PHYKPL: variants seen among roughly 807,000 people sequenced by gnomAD.
PHYKPL encodes 5-phosphonooxy-L-lysine phospho-lyase.
Under a neutral mutation model 51.3 loss-of-function variants are expected in PHYKPL, and 42 were observed. The ratio of observed to expected loss-of-function variants is 0.82; its 90% CI spans 0.64 to 1.06. PHYKPL has a LOEUF of 1.06. Among genes scored for constraint, PHYKPL ranks in the 50% least tolerant of loss-of-function variants. The probability of loss-of-function intolerance (pLI) is 0.00; values close to 1 mark genes in which losing one functional copy is unlikely to be tolerated. For missense variants in PHYKPL, 655 were observed against 586.6 expected, an observed-to-expected ratio of 1.12 and a Z score of -1.20; for synonymous variants, 264 against 236.0, an observed-to-expected ratio of 1.12 and a Z score of -1.09.
At chr5:178,207,977 T>G (rs778958016), downstream of PHYKPL, among the ~76,000 whole-genome samples, 1 of 152,166 alleles carries the variant, frequency 6.6e-6, no homozygotes, top group Non-Finnish European at 1.5e-5. Context: ...TCACTTGGTC[T>G]TCTGGGCACC....
chr5:178,209,023 G>C, intron 12 of PHYKPL, 108 bp from the exon 13 acceptor site: 1 of 338,780 alleles, frequency 3.0e-6, no homozygotes, highest in Non-Finnish European at 5.6e-6. Context: ...CCTGGTCCCA[G>C]CCTGTCCTCT....
At chr5:178,211,134 G>A (rs1340544906) in intron 12 of PHYKPL, 1 of 156,320 alleles carries the variant, frequency 6.4e-6, no homozygotes, top group East Asian at 1.9e-4. Context: ...AGCTATCCAA[G>A]CTTTTGAAAT....
rs1336456838 is a variant in PHYKPL at position 178,212,950 on chromosome 5, CCAAGCTCAGGCTT to C, written c.1303+10_1303+22del. 6.2e-7 allele frequency: 1 copy of C among 1,612,862 alleles called. No individual in the cohort carries two copies. The highest frequency in any genetic ancestry group is 1.1e-5 in the South Asian group (1 of 90,872). On this transcript the variant is annotated intron_variant, in intron 11 of 12. Coordinates refer to ENST00000308158, the MANE Select transcript of PHYKPL (RefSeq NM_153373.4). ...TTCAGGCTGAGTTCTAGAGATATGG[CCAAGCTCAGGCTT>C]CAAGCTCACCAGTCAGAATGGCATC...
intron 3 of PHYKPL, among the ~76,000 whole-genome samples, chr5:178,226,960 C>T (rs2913866): frequency 0.64 from 97,486 of 151,206 alleles, 31,972 homozygotes; most frequent in African/African-American, 0.78. Flanking sequence ...CACACACACA[C>T]GCCACCACAA....
intron 11 of PHYKPL, 23 bp from the exon 12 acceptor site, chr5:178,211,993 GC>G (rs879652226): frequency 1.2e-6 from 2 of 1,613,958 alleles, no homozygotes; most frequent in Non-Finnish European, 1.7e-6. Context: ...ACAAAGCAAT[GC>G]CGACTCAGTC....
downstream of PHYKPL, among the ~76,000 whole-genome samples, chr5:178,207,691 CTTTTTTTTT>C (rs34424574): frequency 3.6e-4 from 28 of 78,774 alleles, no homozygotes; most frequent in East Asian, 8.0e-4. Flanking sequence ...ACTTTGAGCA[CTTTTTTTTT>C]TTTTTTTTTT....
At chr5:178,218,304 C>T (rs531334696) in intron 8 of PHYKPL, among the ~76,000 whole-genome samples, 4 of 151,514 alleles carry the variant, frequency 2.6e-5, no homozygotes, top group Non-Finnish European at 5.9e-5. Flanking sequence ...AATGACTGTC[C>T]CAGAAGGAGA....
Position 178,208,492 on chromosome 5 carries a change from T to C in PHYKPL, c.*455A>G, listed in dbSNP as rs1757221351. On this transcript the variant is annotated 3_prime_UTR_variant, in exon 13 of 13. Coordinates refer to ENST00000308158, the MANE Select transcript of PHYKPL (RefSeq NM_153373.4). ...GTAGTGAGTCTTAGGAGTAAGTATA[T>C]TTAGTTGGTTATATTCAGTATTTTT... 6.6e-6 allele frequency: 1 copy of C among 152,196 alleles called. No homozygotes were observed. The highest frequency in any genetic ancestry group is 1.5e-5 in the Non-Finnish European group (1 of 68,034). The allele number at this position is 152,196 out of a possible 1,614,324, so 9.4% of individuals were successfully genotyped here.
At position 178,231,458 on chromosome 5, in the gene PHYKPL, A is replaced by G. The variant is rs756840159; in HGVS notation, c.125T>C (p.Met42Thr). ...VKIVRAQGQY[M>T]YDEQGAEYID... ...GTATTCTGCCCCCTGTTCATCGTAC[A>G]TGTACTGCCCTTGGGCCCGGACAAT... Residue 42 changes from methionine (M) to threonine (T), a missense_variant, in exon 2 of 13, where the codon ATG becomes ACG. Physicochemically the swap from Met to Thr is moderately conservative, Grantham distance 81. Coordinates refer to ENST00000308158, the MANE Select transcript of PHYKPL (RefSeq NM_153373.4). The G allele has an allele frequency of 1.9e-5, 31 of 1,614,182 alleles. No individual in the cohort carries two copies. Among genetic ancestry groups the G allele is most frequent in the Non-Finnish European group, 2.6e-5 (31 of 1,180,022 alleles).
At chr5:178,211,017 T>C (rs939923551) in intron 12 of PHYKPL, 1 of 204,174 alleles carries the variant, frequency 4.9e-6, no homozygotes, top group Non-Finnish European at 9.9e-6. Context: ...ATACATTTCC[T>C]GTAACGGAAG....
intron 10 of PHYKPL, among the ~76,000 whole-genome samples, chr5:178,213,849 G>A (rs11745353): frequency 0.07 from 10,633 of 152,306 alleles, 460 homozygotes; most frequent in Non-Finnish European, 0.088. Flanking sequence ...GGAGTTAGAC[G>A]GCCCTGGGGC....
At chr5:178,228,020 C>A in intron 3 of PHYKPL, 1 of 164,488 alleles carries the variant, frequency 6.1e-6, no homozygotes, top group Non-Finnish European at 1.3e-5. Context: ...AGAACAGTAC[C>A]ATGGTCCAAT....
intron 12 of PHYKPL, chr5:178,210,244 T>TTACGGC (rs758120507): frequency 7.6e-5 from 123 of 1,613,704 alleles, no homozygotes; most frequent in Non-Finnish European, 8.5e-6. Flanking sequence ...CCTATGGCTA[T>TTACGGC]TACGGCTACG....
intron 8 of PHYKPL, among the ~76,000 whole-genome samples, chr5:178,220,239 C>T (rs1760880114): frequency 6.8e-6 from 1 of 147,296 alleles, no homozygotes; most frequent in Non-Finnish European, 1.5e-5. Flanking sequence ...TGGCTCATGC[C>T]TGTAATCCCA....
intron 3 of PHYKPL, among the ~76,000 whole-genome samples, chr5:178,229,194 C>T (rs1164955587): frequency 1.3e-5 from 2 of 151,332 alleles, no homozygotes; most frequent in East Asian, 1.9e-4. Context: ...GCAACCTCCG[C>T]CTCCCGGTTC....
intron 12 of PHYKPL, chr5:178,210,864 T>A: frequency 1.8e-6 from 1 of 552,604 alleles, no homozygotes; most frequent in South Asian, 2.1e-5. Flanking sequence ...TATTACCAGG[T>A]CCCCCAGAAG....
At chr5:178,212,420 G>A (rs1435309162) in intron 11 of PHYKPL, among the ~76,000 whole-genome samples, 1 of 152,250 alleles carries the variant, frequency 6.6e-6, no homozygotes, top group East Asian at 1.9e-4. Context: ...GTCTCACTGA[G>A]CTGTAAATGG....
intron 8 of PHYKPL, among the ~76,000 whole-genome samples, chr5:178,220,978 G>A (rs1761062201): frequency 6.6e-6 from 1 of 152,148 alleles, no homozygotes; most frequent in South Asian, 2.1e-4. Context: ...TGGTTACCAT[G>A]GTTATTCAGA....
intron 1 of PHYKPL, chr5:178,232,130 G>A: frequency 8.4e-7 from 1 of 1,193,700 alleles, no homozygotes; most frequent in South Asian, 1.8e-5. Flanking sequence ...GCTGCTGACG[G>A]GCCACCCTGG....
Sources: gnomAD v4.1 joint callset for allele counts (sites outside exome capture counted in the v4.1 genomes callset) on GRCh38, gnomAD v4.1.1 for gene constraint, MANE v1.5 for transcripts, NCBI Gene and HGNC (gene_info 2026-07-23, HGNC 2026-07-21) for gene names.